ESCO1: variants seen among roughly 807,000 people sequenced by gnomAD.
The protein encoded by ESCO1 is N-acetyltransferase ESCO1.
In ESCO1, 33 loss-of-function variants were observed where a neutral mutation model predicts 83.5. The observed-to-expected ratio is 0.40, with a 90% CI of 0.30 to 0.53. The LOEUF (loss-of-function observed/expected upper bound fraction) is 0.53, where lower values mean the gene tolerates loss of function less well. Among genes scored for constraint, ESCO1 ranks in the 20% least tolerant of loss-of-function variants. ESCO1 has a pLI of 0.63. For synonymous variants in ESCO1, 332 were observed against 324.3 expected (o/e 1.02, Z -0.25); for missense variants, 855 against 968.0 (o/e 0.88, Z 1.55).
intron 6 of ESCO1, 72 bp from the exon 7 acceptor site, chr18:21,564,389 C>T (rs2038230526): frequency 1.9e-6 from 2 of 1,059,504 alleles, no homozygotes; most frequent in South Asian, 1.5e-5. Flanking sequence ...GAAAAAATAA[C>T]TTATTTTCTT....
At chr18:21,563,441 AG>A (rs2146200771) in intron 7 of ESCO1, among the ~76,000 whole-genome samples, 1 of 152,236 alleles carries the variant, frequency 6.6e-6, no homozygotes, top group Non-Finnish European at 1.5e-5. Context: ...TCTGCCTGCC[AG>A]GTTCATGCGA....
At chr18:21,579,792 GCGCACACACACACA>G (rs1292464788) in intron 2 of ESCO1, among the ~76,000 whole-genome samples, 7,779 of 135,002 alleles carry the variant, frequency 0.058, 337 homozygotes, top group Non-Finnish European at 0.062. Context: ...ACACGCGCGC[GCGCACACACACACA>G]CACACACACA....
chr18:21,540,765 G>C, intron 8 of ESCO1: 1 of 1,160,728 alleles, frequency 8.6e-7, no homozygotes. Context: ...TGAACCAGAG[G>C]TTAAAACTAG....
intron 1 of ESCO1, among the ~76,000 whole-genome samples, chr18:21,599,275 C>A (rs2038807470): frequency 6.6e-6 from 1 of 152,148 alleles, no homozygotes. Flanking sequence ...GGAGGGAGGT[C>A]AAGGCTGCAG....
intron 1 of ESCO1, among the ~76,000 whole-genome samples, chr18:21,588,635 G>A (rs1248655575): frequency 6.6e-6 from 1 of 152,106 alleles, no homozygotes; most frequent in Non-Finnish European, 1.5e-5. Flanking sequence ...GAGAAAAATG[G>A]GCCAGGTATG....
chr18:21,597,953 T>C (rs553300808), intron 1 of ESCO1, among the ~76,000 whole-genome samples: 14 of 152,350 alleles, frequency 9.2e-5, no homozygotes, highest in Admixed American at 4.6e-4. Context: ...ATAATACAGC[T>C]ATAATACAGA....
intron 8 of ESCO1, among the ~76,000 whole-genome samples, chr18:21,551,288 G>A (rs1358130563): frequency 6.6e-6 from 1 of 151,922 alleles, no homozygotes; most frequent in Non-Finnish European, 1.5e-5. Flanking sequence ...GGCTAACACA[G>A]AGAAACCCTG....
At chr18:21,593,924 A>G (rs1312000351) in intron 1 of ESCO1, among the ~76,000 whole-genome samples, 1 of 152,114 alleles carries the variant, frequency 6.6e-6, no homozygotes, top group African/African-American at 2.4e-5. Context: ...AGAGGTGCCA[A>G]TATCTAGTCA....
intron 2 of ESCO1, among the ~76,000 whole-genome samples, chr18:21,581,917 TAA>T (rs758873985): frequency 1.2e-4 from 15 of 124,588 alleles, no homozygotes; most frequent in Admixed American, 8.3e-5. Context: ...TCATCTATAC[TAA>T]AAAAAAAAAA....
At chr18:21,599,727 G>C (rs1047049981) in intron 1 of ESCO1, among the ~76,000 whole-genome samples, 32 of 152,108 alleles carry the variant, frequency 2.1e-4, no homozygotes, top group Admixed American at 2.1e-3. Flanking sequence ...TCCCTCCCCT[G>C]GTCCCCGCTG....
chr18:21,557,623 T>C (rs2038129431), intron 8 of ESCO1, among the ~76,000 whole-genome samples: 1 of 152,228 alleles, frequency 6.6e-6, no homozygotes, highest in Non-Finnish European at 1.5e-5. Context: ...CCACACAACA[T>C]TCACTCAGAT....
chr18:21,564,640 C>T (rs1238352079), intron 6 of ESCO1, among the ~76,000 whole-genome samples: 6 of 151,848 alleles, frequency 4.0e-5, no homozygotes, highest in Non-Finnish European at 5.9e-5. Context: ...TCGTGATCCG[C>T]CTGCCTCAGC....
At chr18:21,571,590 A>G (rs1448858628) in intron 4 of ESCO1, among the ~76,000 whole-genome samples, 1 of 152,272 alleles carries the variant, frequency 6.6e-6, no homozygotes, top group Non-Finnish European at 1.5e-5. Context: ...AATGTGGTCT[A>G]CATAAACATC....
intron 8 of ESCO1, among the ~76,000 whole-genome samples, chr18:21,548,935 C>T (rs893884895): frequency 1.6e-4 from 24 of 149,838 alleles, no homozygotes; most frequent in African/African-American, 5.9e-4. Flanking sequence ...AAGACCCTGT[C>T]TCTTAAAAAA....
In ESCO1 at chr18:21,561,820, G is replaced by A. The variant is rs573222473; in HGVS notation, c.1822-830C>T. ...TGAGCTCAAGCGATCCTCCTGCCTC[G>A]GCCTCCTAAAGTGCTAGGATTACAG... On this transcript the variant is annotated intron_variant, in intron 7 of 11. Coordinates refer to ENST00000269214, the MANE Select transcript of ESCO1 (RefSeq NM_052911.3). 4.6e-5 allele frequency among the ~76,000 whole-genome samples: 7 copies of A among 151,968 alleles called. No individual in the cohort carries two copies. The East Asian group carries it at 1.2e-3, about 25-fold the overall frequency.
intron 4 of ESCO1, among the ~76,000 whole-genome samples, chr18:21,571,049 T>C (rs1484372407): frequency 6.6e-6 from 1 of 152,116 alleles, no homozygotes; most frequent in Non-Finnish European, 1.5e-5. Flanking sequence ...GGATTTTCAG[T>C]AATTTTTTTT....
chr18:21,579,702 G>T (rs1194968297), intron 2 of ESCO1, among the ~76,000 whole-genome samples: 1 of 150,390 alleles, frequency 6.6e-6, no homozygotes, highest in Non-Finnish European at 1.5e-5. Context: ...AACCAAGGAG[G>T]TGGAGGTTGC....
At chr18:21,559,443 A>C (rs181743657) in intron 8 of ESCO1, among the ~76,000 whole-genome samples, 1 of 152,342 alleles carries the variant, frequency 6.6e-6, no homozygotes, top group East Asian at 1.9e-4. Flanking sequence ...AGTAGAGCAG[A>C]TATTTCCTGA....
chr18:21,591,852 T>G (rs528286738), intron 1 of ESCO1, among the ~76,000 whole-genome samples: 13,528 of 151,078 alleles, frequency 0.09, 1,991 homozygotes, highest in African/African-American at 0.31. Context: ...GTACTTGAGA[T>G]TAGGGAGTGG....
Sources: gnomAD v4.1 joint callset for allele counts (sites outside exome capture counted in the v4.1 genomes callset) on GRCh38, gnomAD v4.1.1 for gene constraint, MANE v1.5 for transcripts, NCBI Gene and HGNC (gene_info 2026-07-23, HGNC 2026-07-21) for gene names.